PRR16: variants seen among roughly 807,000 people sequenced by gnomAD.
PRR16 encodes the protein proline rich 16.
In PRR16, 6 loss-of-function variants were observed where a neutral mutation model predicts 18.2. The observed-to-expected ratio is 0.33, with a 90% CI of 0.18 to 0.65. PRR16 has a LOEUF of 0.65. Among genes scored for constraint, PRR16 ranks in the 30% least tolerant of loss-of-function variants. PRR16 has a pLI of 0.74. For missense variants in PRR16, 412 were observed against 376.6 expected (o/e 1.09, Z -0.78); for synonymous variants, 151 against 147.8 (o/e 1.02, Z -0.16).
At chr5:120,738,100 C>T in the PRR16 span, among the ~76,000 whole-genome samples, 1 of 151,188 alleles carries the variant, frequency 6.6e-6, no homozygotes, top group African/African-American at 2.4e-5. Context: ...TATAAAGAAT[C>T]ATAAGAGAAG....
chr5:120,784,506 T>C, the PRR16 span, among the ~76,000 whole-genome samples: 4 of 152,134 alleles, frequency 2.6e-5, no homozygotes, highest in Admixed American at 2.0e-4. Context: ...AGACAACCTA[T>C]AGAATGGGAG....
At chr5:120,707,945 G>A in the PRR16 span, among the ~76,000 whole-genome samples, 1 of 152,150 alleles carries the variant, frequency 6.6e-6, no homozygotes, top group Non-Finnish European at 1.5e-5. Context: ...GGCCTGGTGA[G>A]AGAGAAGTCT....
intron 1 of PRR16, among the ~76,000 whole-genome samples, chr5:120,631,486 T>C (rs1755052454): frequency 6.6e-6 from 1 of 152,078 alleles, no homozygotes; most frequent in South Asian, 2.1e-4. Context: ...TTTGGTGTTG[T>C]TATGGGGGCA....
At chr5:120,786,558 T>C in the PRR16 span, among the ~76,000 whole-genome samples, 1 of 148,930 alleles carries the variant, frequency 6.7e-6, no homozygotes, top group Non-Finnish European at 1.5e-5. Context: ...AAGTATCATA[T>C]ATTTTATAAA....
At chr5:120,484,271 A>G (rs1203836372) in intron 1 of PRR16, among the ~76,000 whole-genome samples, 1 of 148,442 alleles carries the variant, frequency 6.7e-6, no homozygotes, top group Non-Finnish European at 1.5e-5. Context: ...TGAAAGTTAA[A>G]AAAGAAAATA....
At chr5:120,481,578 A>G (rs1749619702) in intron 1 of PRR16, among the ~76,000 whole-genome samples, 1 of 152,176 alleles carries the variant, frequency 6.6e-6, no homozygotes, top group Admixed American at 6.6e-5. Flanking sequence ...TATTTTAATA[A>G]CGTTCCTTTT....
intron 1 of PRR16, among the ~76,000 whole-genome samples, chr5:120,535,523 G>C (rs1034746806): frequency 2.6e-5 from 4 of 152,116 alleles, no homozygotes; most frequent in African/African-American, 7.2e-5. Context: ...ACACTTCCTG[G>C]GTGCAGTGGT....
intron 1 of PRR16, among the ~76,000 whole-genome samples, chr5:120,471,257 T>C (rs926226097): frequency 1.8e-4 from 27 of 152,164 alleles, no homozygotes; most frequent in African/African-American, 5.5e-4. Context: ...AACAAAAATG[T>C]TGATAAGAAT....
chr5:120,471,508 T>C (rs373515729), intron 1 of PRR16, among the ~76,000 whole-genome samples: 54 of 152,272 alleles, frequency 3.5e-4, no homozygotes, highest in African/African-American at 1.3e-3. Context: ...GAGAATCTTG[T>C]TGAATTCTTT....
At chr5:120,622,300 T>C (rs1374358069) in intron 1 of PRR16, among the ~76,000 whole-genome samples, 1 of 152,070 alleles carries the variant, frequency 6.6e-6, no homozygotes, top group East Asian at 1.9e-4. Context: ...TACAGTTAGT[T>C]CTTGTTTTCT....
At chr5:120,714,543 ATATT>A in the PRR16 span, among the ~76,000 whole-genome samples, 1 of 152,160 alleles carries the variant, frequency 6.6e-6, no homozygotes, top group African/African-American at 2.4e-5. Context: ...GTTGGTGAGA[ATATT>A]AATTAGTTCA....
At chr5:120,624,063 T>G (rs952852818) in intron 1 of PRR16, among the ~76,000 whole-genome samples, 2 of 152,178 alleles carry the variant, frequency 1.3e-5, no homozygotes, top group South Asian at 4.1e-4. Context: ...GGACATAAAT[T>G]GTGCAAGATT....
chr5:120,529,771 A>T (rs1464471681), intron 1 of PRR16, among the ~76,000 whole-genome samples: 1 of 152,012 alleles, frequency 6.6e-6, no homozygotes, highest in African/African-American at 2.4e-5. Flanking sequence ...AGTATTTTTA[A>T]CCCCTTTTAT....
chr5:120,703,681 G>A, the PRR16 span, among the ~76,000 whole-genome samples: 1 of 152,168 alleles, frequency 6.6e-6, no homozygotes, highest in Non-Finnish European at 1.5e-5. Flanking sequence ...TCCTTGCAAT[G>A]TTTGAAGAGA....
intron 1 of PRR16, among the ~76,000 whole-genome samples, chr5:120,591,056 G>A (rs1753618930): frequency 6.6e-6 from 1 of 151,976 alleles, no homozygotes; most frequent in South Asian, 2.1e-4. Flanking sequence ...GAGGTGGGCA[G>A]ATCACAAGGT....
chr5:120,570,377 G>C (rs1752868306), intron 1 of PRR16, among the ~76,000 whole-genome samples: 1 of 152,122 alleles, frequency 6.6e-6, no homozygotes. Flanking sequence ...GGAGGAAAGA[G>C]GGGATAAATG....
chr5:120,599,533 C>T (rs1243164030), intron 1 of PRR16, among the ~76,000 whole-genome samples: 2 of 151,904 alleles, frequency 1.3e-5, no homozygotes, highest in African/African-American at 4.8e-5. Context: ...ATTCCTAGAT[C>T]TCTTTAAACA....
At chr5:120,793,610 G>C in the PRR16 span, among the ~76,000 whole-genome samples, 2 of 151,900 alleles carry the variant, frequency 1.3e-5, no homozygotes, top group African/African-American at 4.8e-5. Context: ...CTACATCCTA[G>C]GTAAAGAAAC....
At chr5:120,544,160 G>A (rs931969305) in intron 1 of PRR16, among the ~76,000 whole-genome samples, 1 of 152,216 alleles carries the variant, frequency 6.6e-6, no homozygotes, top group East Asian at 1.9e-4. Flanking sequence ...GGAAAACACA[G>A]GGCCCTGATG....
Sources: allele counts gnomAD v4.1 joint callset (sites outside exome capture counted in the v4.1 genomes callset), GRCh38; gene constraint gnomAD v4.1.1; transcripts MANE v1.5; gene names NCBI Gene and HGNC (gene_info 2026-07-23, HGNC 2026-07-21).